Variants in CA10 observed in about 807,000 individuals in gnomAD.
The protein encoded by CA10 is carbonic anhydrase 10 (inactive), also known as carbonic anhydrase-related protein 10.
Under a neutral mutation model 44.2 loss-of-function variants are expected in CA10, and 14 were observed. That is an observed-to-expected ratio of 0.32 (90% CI 0.21 to 0.50). CA10 has a LOEUF of 0.50. Ranked by LOEUF, CA10 falls within the 20% of genes least tolerant of loss-of-function variation. The pLI, the probability that CA10 is intolerant of heterozygous loss-of-function variation, is 0.99. For missense variants in CA10, 350 were observed against 409.7 expected, an observed-to-expected ratio of 0.85 and a Z score of 1.26; for synonymous variants, 159 against 141.6, an observed-to-expected ratio of 1.12 and a Z score of -0.87.
chr17:51,664,322 G>A (rs1914130683), intron 4 of CA10, among the ~76,000 whole-genome samples: 1 of 152,100 alleles, frequency 6.6e-6, no homozygotes, highest in Admixed American at 6.5e-5. Flanking sequence ...ATTAATACTA[G>A]CTAGTGGAAA....
chr17:51,933,982 A>G (rs1480252969), intron 2 of CA10, among the ~76,000 whole-genome samples: 1 of 152,122 alleles, frequency 6.6e-6, no homozygotes, highest in Non-Finnish European at 1.5e-5. Context: ...ATTCTTTATG[A>G]CGAACAGTTT....
At chr17:52,007,103 T>C (rs531021902) in intron 2 of CA10, among the ~76,000 whole-genome samples, 1 of 151,876 alleles carries the variant, frequency 6.6e-6, no homozygotes, top group East Asian at 1.9e-4. Context: ...GTTTTTATAT[T>C]GATCTGATGT....
At chr17:51,714,627 C>T (rs11650892) in intron 4 of CA10, among the ~76,000 whole-genome samples, 3 of 151,980 alleles carry the variant, frequency 2.0e-5, no homozygotes, top group Non-Finnish European at 2.9e-5. Context: ...ACTGAGAAGG[C>T]GATGATTGCT....
chr17:51,725,485 C>T (rs1316096743), intron 4 of CA10, among the ~76,000 whole-genome samples: 2 of 152,132 alleles, frequency 1.3e-5, no homozygotes. Context: ...GAAAGCTTTC[C>T]CAGTAACCCT....
chr17:52,081,543 G>C (rs1387697112), intron 1 of CA10, among the ~76,000 whole-genome samples: 1 of 152,150 alleles, frequency 6.6e-6, no homozygotes, highest in South Asian at 2.1e-4. Flanking sequence ...GCTCACGCCT[G>C]TAGTCCCAGC....
chr17:52,017,439 T>C (rs1464020238), intron 2 of CA10, among the ~76,000 whole-genome samples: 1 of 152,092 alleles, frequency 6.6e-6, no homozygotes, highest in East Asian at 1.9e-4. Context: ...AGTTTACCCA[T>C]GTTGTGTGCT....
intron 2 of CA10, among the ~76,000 whole-genome samples, chr17:52,044,556 G>A (rs997117347): frequency 1.3e-5 from 2 of 151,870 alleles, no homozygotes; most frequent in African/African-American, 4.8e-5. Context: ...CACCCACCTC[G>A]GCCTCCCAAA....
At chr17:51,692,366 C>CCTAT (rs71728413) in intron 4 of CA10, among the ~76,000 whole-genome samples, 5,533 of 141,154 alleles carry the variant, frequency 0.039, 113 homozygotes, top group Middle Eastern at 0.061. Context: ...ACCTATCCAT[C>CCTAT]CTATCTATCT....
chr17:52,155,356 C>T (rs11655715), intron 1 of CA10, among the ~76,000 whole-genome samples: 31,942 of 152,110 alleles, frequency 0.21, 3,551 homozygotes, highest in South Asian at 0.3. Flanking sequence ...TAAATTAAAA[C>T]TGCAAATCAT....
chr17:51,835,124 G>T (rs1397935655), intron 3 of CA10, among the ~76,000 whole-genome samples: 1 of 152,140 alleles, frequency 6.6e-6, no homozygotes, highest in East Asian at 1.9e-4. Flanking sequence ...TAAACATCTT[G>T]CAACTGGACA....
chr17:51,960,423 C>CA (rs1004834126), intron 2 of CA10, among the ~76,000 whole-genome samples: 17 of 148,016 alleles, frequency 1.1e-4, no homozygotes, highest in South Asian at 2.1e-4. Context: ...CCCCCACCAC[C>CA]AAAAAAAAAA....
chr17:51,892,551 C>T (rs989175113), intron 3 of CA10, among the ~76,000 whole-genome samples: 5 of 152,114 alleles, frequency 3.3e-5, no homozygotes, highest in Non-Finnish European at 7.4e-5. Context: ...AGAGGAATAA[C>T]AATGGCAGAA....
At chr17:51,700,124 T>A (rs1346298825) in intron 4 of CA10, among the ~76,000 whole-genome samples, 4 of 152,128 alleles carry the variant, frequency 2.6e-5, no homozygotes, top group Non-Finnish European at 5.9e-5. Context: ...AGACTGGGAA[T>A]CCCAGCTCTG....
intron 6 of CA10, among the ~76,000 whole-genome samples, chr17:51,645,651 A>C (rs923714233): frequency 5.3e-5 from 8 of 152,246 alleles, no homozygotes; most frequent in African/African-American, 1.9e-4. Flanking sequence ...GTTTCATGGA[A>C]TGTGAAAACA....
At chr17:52,119,744 C>T (rs1256224561) in intron 1 of CA10, among the ~76,000 whole-genome samples, 3 of 152,318 alleles carry the variant, frequency 2.0e-5, no homozygotes, top group Non-Finnish European at 4.4e-5. Context: ...TTTCAAACAA[C>T]TCAGTCCCAT....
At chr17:52,086,907 C>A (rs944512272) in intron 1 of CA10, among the ~76,000 whole-genome samples, 3 of 152,134 alleles carry the variant, frequency 2.0e-5, no homozygotes, top group Admixed American at 1.3e-4. Context: ...TGTTGTAGGG[C>A]ATTTAGGTTT....
At chr17:51,963,113 A>G (rs745806877) in intron 2 of CA10, among the ~76,000 whole-genome samples, 13 of 152,182 alleles carry the variant, frequency 8.5e-5, no homozygotes, top group Non-Finnish European at 1.3e-4. Flanking sequence ...AAGGAATTGC[A>G]AAATATAATT....
At chr17:52,110,781 T>C (rs139351482) in intron 1 of CA10, among the ~76,000 whole-genome samples, 377 of 152,264 alleles carry the variant, frequency 2.5e-3, no homozygotes, top group African/African-American at 8.6e-3. Flanking sequence ...TTACTGGCTA[T>C]AGGCTGCCTT....
At chr17:51,825,928 C>T (rs1382153904) in intron 3 of CA10, among the ~76,000 whole-genome samples, 1 of 152,218 alleles carries the variant, frequency 6.6e-6, no homozygotes, top group Non-Finnish European at 1.5e-5. Flanking sequence ...GCCCATAGCA[C>T]TTAATTTCTC....
Sources: allele counts gnomAD v4.1 joint callset (sites outside exome capture counted in the v4.1 genomes callset), GRCh38; gene constraint gnomAD v4.1.1; transcripts MANE v1.5; gene names NCBI Gene and HGNC (gene_info 2026-07-23, HGNC 2026-07-21).